Variants in FN1 observed in about 807,000 individuals in gnomAD.
The protein encoded by FN1 is fibronectin.
FN1 carries 106 observed loss-of-function variants against 297.3 expected under a neutral mutation model. The observed-to-expected ratio is 0.36, with a 90% CI of 0.30 to 0.42. FN1 has a LOEUF of 0.42. Among genes scored for constraint, FN1 ranks in the 10% least tolerant of loss-of-function variants. The pLI is 1.00. For missense variants in FN1, 2,690 were observed against 3,124.9 expected (o/e 0.86, Z 3.32); for synonymous variants, 1,149 against 1,152.6 (o/e 1.00, Z 0.06).
chr2:215,389,077 T>A (rs1349950113), intron 26 of FN1, among the ~76,000 whole-genome samples: 1 of 152,116 alleles, frequency 6.6e-6, no homozygotes, highest in African/African-American at 2.4e-5. Context: ...TATACATCCC[T>A]GAGTATCTTG....
Position 215,434,768 on chromosome 2 carries a change from A to G in FN1, c.205T>C (p.Tyr69His). The G allele has an allele frequency of 6.2e-7, 1 of 1,614,072 alleles. No individual in the cohort carries two copies. The highest frequency in any genetic ancestry group is 8.5e-7 in the Non-Finnish European group (1 of 1,179,902). ...YQINQQWERT[Y>H]LGNALVCTCY... is the part of the protein sequence containing the mutation. Reference sequence around the variant, plus strand: ...GTACAAACCAACGCATTGCCTAGGTAGGTCCGCTCCCACTGTTGATTTATC... The same window carrying G: ...GTACAAACCAACGCATTGCCTAGGTGGGTCCGCTCCCACTGTTGATTTATC... Residue 69 changes from tyrosine (Y) to histidine (H), a missense_variant, in exon 2 of 46, where the codon TAC (tyrosine) becomes CAC (histidine). Physicochemically the swap from Tyr to His is moderately conservative, Grantham distance 83 (BLOSUM62 2). This residue lies in a region of FN1 where 876 missense variants were observed against 1,058.1 expected (regional missense o/e 0.83). Coordinates refer to ENST00000354785, the MANE Select transcript of FN1 (RefSeq NM_212482.4).
Position 215,407,215 on chromosome 2 carries a change from C to T in FN1, c.2625G>A (p.Gln875=). 6.2e-7 allele frequency: 1 copy of T among 1,614,012 alleles called. No individual in the cohort carries two copies. ...VTLSDLQPGV[Q]YNITIYAVEE... is the part of the protein sequence containing the mutation. ...CCACAGCATAGATAGTGATGTTATACTGAACACCAGGTTGCAAGTCACTGA... is the reference window on the plus strand; with the variant it reads ...CCACAGCATAGATAGTGATGTTATATTGAACACCAGGTTGCAAGTCACTGA... Residue 875 remains glutamine, a synonymous_variant, in exon 18 of 46, where the codon CAG becomes CAA. Coordinates refer to ENST00000354785, the MANE Select transcript of FN1 (RefSeq NM_212482.4).
rs369076813 is a variant in FN1 at position 215,433,368 on chromosome 2, G to T, written c.371C>A (p.Thr124Asn). The T allele has an allele frequency of 1.1e-4, 173 of 1,614,006 alleles. No homozygotes were observed. The highest frequency in any genetic ancestry group is 1.4e-4 in the Non-Finnish European group (167 of 1,179,994). Residue 124 changes from threonine (T) to asparagine (N), a missense_variant, in exon 3 of 46, where the codon ACC becomes AAC. By Grantham distance (65) the Thr-to-Asn change is moderately conservative. Around this residue, in one of 3 missense-constraint regions of FN1, gnomAD observed 876 missense variants for 1,058.1 expected, o/e 0.83. Coordinates refer to ENST00000354785, the MANE Select transcript of FN1 (RefSeq NM_212482.4). ...TCTCCCTCGCCCAGCCCCGATGCAG[G>T]TACAGTCCCAGATCATGGAGTCTTT... is the stretch of plus-strand genomic sequence containing the variant. ...RPKDSMIWDC[T>N]CIGAGRGRIS...
In FN1 at chr2:215,376,533, G is replaced by C; in HGVS notation, c.5852C>G (p.Thr1951Ser). ...GTAGCTTCTGACATCTGGCTTGATG[G>C]TTCTCTGGATTGGAGTCTGGCCATT... ...PANGQTPIQR[T>S]IKPDVRSYTI... Residue 1951 changes from threonine (T) to serine (S), a missense_variant, in exon 36 of 46, where the codon ACC becomes AGC. Thr to Ser is a moderately conservative substitution (Grantham distance 58, BLOSUM62 1). This residue lies in a region of FN1 where 1,743 missense variants were observed against 1,945.2 expected (regional missense o/e 0.90). Coordinates refer to ENST00000354785, the MANE Select transcript of FN1 (RefSeq NM_212482.4). 1 of 1,614,060 alleles carries C rather than the reference G, an allele frequency of 6.2e-7. No homozygotes were observed. The highest frequency in any genetic ancestry group is 8.5e-7 in the Non-Finnish European group (1 of 1,179,978).
At chr2:215,362,248 A>G (rs1056508322) in intron 44 of FN1, 169 bp from the exon 45 acceptor site, 1 of 648,680 alleles carries the variant, frequency 1.5e-6, no homozygotes, top group Admixed American at 2.2e-5. Flanking sequence ...AACTCTTAAT[A>G]CATTTTGGCT....
intron 23 of FN1, among the ~76,000 whole-genome samples, chr2:215,395,083 C>G (rs2060160307): frequency 1.3e-5 from 2 of 152,012 alleles, no homozygotes; most frequent in South Asian, 2.1e-4. Context: ...ATCACTGTAC[C>G]CTGCTTTTCC....
At chr2:215,411,697 G>T (rs940854590) in intron 13 of FN1, among the ~76,000 whole-genome samples, 2 of 136,274 alleles carry the variant, frequency 1.5e-5, no homozygotes, top group African/African-American at 5.6e-5. Flanking sequence ...ATGGAGTTTC[G>T]CTCTTGTTGC....
Position 215,399,343 on chromosome 2 carries a change from C to G in FN1, c.3262G>C (p.Gly1088Arg). ...ATGVFTTLQP[G>R]SSIPPYNTEV... is the part of the protein sequence containing the mutation. ...GTGTTGTAAGGTGGAATAGAGCTCC[C>G]AGGCTGCACTGTGAGAGAGAATCAA... Residue 1088 changes from glycine (G) to arginine (R), a missense_variant, in exon 21 of 46, where the codon GGG becomes CGG. Gly to Arg is a moderately radical substitution (Grantham distance 125). This residue lies in a region of FN1 where 1,743 missense variants were observed against 1,945.2 expected (regional missense o/e 0.90). Coordinates refer to ENST00000354785, the MANE Select transcript of FN1 (RefSeq NM_212482.4). The G allele has an allele frequency of 6.2e-7, 1 of 1,611,912 alleles. No homozygotes were observed. The highest frequency in any genetic ancestry group is 1.1e-5 in the South Asian group (1 of 91,036).
Position 215,376,553 on chromosome 2 carries a change from G to A in FN1, c.5832C>T (p.Gly1944=). ...TGATGGTTCTCTGGATTGGAGTCTG[G>A]CCATTGGCTGGAACGGCATCAACTT... The part of the protein sequence containing the change: ...GFQVDAVPAN[G]QTPIQRTIKP... The change falls in exon 36 of 46, where the codon GGC becomes GGT. Residue 1944 remains glycine (G), a synonymous_variant. Transcript: ENST00000354785. 1 of 1,614,056 alleles carries A rather than the reference G, an allele frequency of 6.2e-7. No homozygotes were observed. Among genetic ancestry groups the A allele is most frequent in the Non-Finnish European group, 8.5e-7 (1 of 1,180,002 alleles).
At chr2:215,394,415 C>G (rs770800961) in intron 24 of FN1, 113 bp downstream of exon 24, 3 of 956,660 alleles carry the variant, frequency 3.1e-6, no homozygotes, top group South Asian at 1.3e-5. Context: ...GCTGGGAGAT[C>G]GGAATTAAAT....
At chr2:215,409,897 TC>T (rs752576121) in intron 14 of FN1, 36 bp downstream of exon 14, 1 of 1,612,578 alleles carries the variant, frequency 6.2e-7, no homozygotes, top group Non-Finnish European at 8.5e-7. Flanking sequence ...TCTAGGAACC[TC>T]GGGGGTAGGA....
intron 8 of FN1, 142 bp downstream of exon 8, chr2:215,424,004 G>A (rs1313954758): frequency 1.2e-5 from 10 of 817,492 alleles, no homozygotes; most frequent in East Asian, 2.5e-5. Flanking sequence ...TTACGTGAGC[G>A]CTGCGATCTC....
chr2:215,385,095 A>G, intron 28 of FN1, 119 bp from the exon 29 acceptor site: 2 of 759,384 alleles, frequency 2.6e-6, no homozygotes, highest in Middle Eastern at 3.0e-4. Context: ...TGTAAATACT[A>G]CGTGTAATTA....
chr2:215,370,959 A>C (rs548817394), intron 40 of FN1, among the ~76,000 whole-genome samples: 1 of 152,302 alleles, frequency 6.6e-6, no homozygotes, highest in South Asian at 2.1e-4. Context: ...AAGTAACAAC[A>C]CAATAAAAAT....
At chr2:215,414,622 C>A (rs188295872) in intron 13 of FN1, 1 of 1,255,822 alleles carries the variant, frequency 8.0e-7, no homozygotes, top group Non-Finnish European at 1.0e-6. Context: ...GCCCCCCCAC[C>A]GCAAAAAAAC....
intron 23 of FN1, among the ~76,000 whole-genome samples, chr2:215,395,073 A>G (rs115121101): frequency 1.3e-5 from 2 of 152,232 alleles, no homozygotes; most frequent in Non-Finnish European, 2.9e-5. Context: ...TCATGGTCCT[A>G]TCACTGTACC....
At position 215,393,171 on chromosome 2, in the gene FN1, C is replaced by G. The variant is rs1194778595; in HGVS notation, c.3829G>C (p.Asp1277His). The G allele has an allele frequency of 6.2e-7, 1 of 1,613,528 alleles. No individual in the cohort carries two copies. The highest frequency in any genetic ancestry group is 8.5e-7 in the Non-Finnish European group (1 of 1,179,968). ...VPQLTDLSFV[D>H]ITDSSIGLRW... ...AGGCCGATGCTTGAATCGGTTATAT[C>G]AACAAAGCTTAGGTCAGTGAGTTGG... Residue 1277 changes from aspartate (D) to histidine (H), a missense_variant, in exon 25 of 46, where the codon GAT becomes CAT. Physicochemically the swap from Asp to His is moderately conservative, Grantham distance 81. Around this residue, in one of 3 missense-constraint regions of FN1, gnomAD observed 1,743 missense variants for 1,945.2 expected, o/e 0.90. Coordinates refer to ENST00000354785, the MANE Select transcript of FN1 (RefSeq NM_212482.4).
At chr2:215,399,956 G>C (rs563339885) in intron 20 of FN1, among the ~76,000 whole-genome samples, 17 of 152,084 alleles carry the variant, frequency 1.1e-4, no homozygotes, top group African/African-American at 3.9e-4. Flanking sequence ...GGGAAGCCGA[G>C]GTGGGTGGAT....
At chr2:215,431,800 C>T (rs2066564774) in intron 4 of FN1, 33 bp downstream of exon 4, 10 of 1,613,172 alleles carry the variant, frequency 6.2e-6, no homozygotes, top group Middle Eastern at 1.7e-4. Flanking sequence ...AACTAAGCAT[C>T]CCAGCTCTTG....
Sources: allele counts gnomAD v4.1 joint callset (sites outside exome capture counted in the v4.1 genomes callset), GRCh38; gene constraint gnomAD v4.1.1; regional missense constraint gnomAD v4.1.1; transcripts MANE v1.5; gene names NCBI Gene and HGNC (gene_info 2026-07-23, HGNC 2026-07-21).